The following SRSF10 variants were observed in gnomAD, a reference collection of about 807,000 sequenced individuals.
SRSF10 encodes serine/arginine-rich splicing factor 10.
A neutral mutation model predicts 32.6 loss-of-function variants in SRSF10; 9 were observed. The observed-to-expected ratio is 0.28, with a 90% CI of 0.17 to 0.48. The LOEUF (loss-of-function observed/expected upper bound fraction) is 0.48, where lower values mean the gene tolerates loss of function less well. Ranked by LOEUF, SRSF10 falls within the 20% of genes least tolerant of loss-of-function variation. The pLI is 0.99. For synonymous variants in SRSF10, 105 were observed against 112.4 expected, an observed-to-expected ratio of 0.93 and a Z score of 0.42; for missense variants, 201 against 331.8, an observed-to-expected ratio of 0.61 and a Z score of 3.06.
In SRSF10 at chr1:23,967,802, TG is replaced by T. The variant is rs1641523601; in HGVS notation, c.*3339del. The T allele has an allele frequency of 6.3e-7, 1 of 1,587,982 alleles. No individual in the cohort carries two copies. Among genetic ancestry groups the T allele is most frequent in the Admixed American group, 1.8e-5 (1 of 56,164 alleles). On this transcript the variant is annotated 3_prime_UTR_variant, in exon 6 of 6. Transcript: ENST00000492112. ...GTATACAGGATTTTGTTAGTTGAAC[TG>T]GATGTAGCAGCTTACTGGGCCAAAT...
At chr1:23,972,406 A>C (rs1213539716) in intron 3 of SRSF10, among the ~76,000 whole-genome samples, 1 of 150,330 alleles carries the variant, frequency 6.7e-6, no homozygotes, top group East Asian at 2.0e-4. Flanking sequence ...CTCCAAAAAA[A>C]AAAAGTGTGT....
chr1:23,967,318 G>A lies in SRSF10; in HGVS notation c.*3824C>T, dbSNP rs1377215624. The stretch of plus-strand genomic sequence containing the variant: ...TACCTTTTCCCACCCAATTCAGTTT[G>A]AGACAGACCAACAGAGGCACTGTAA... On this transcript the variant is annotated 3_prime_UTR_variant, in exon 6 of 6. Coordinates refer to ENST00000492112, the MANE Select transcript of SRSF10 (RefSeq NM_054016.4). 9.9e-6 allele frequency: 2 copies of A among 202,320 alleles called. No homozygotes were observed. Among genetic ancestry groups the A allele is most frequent in the East Asian group, 1.1e-4 (1 of 8,752 alleles). 12.5% of individuals were successfully genotyped at this position (202,320 alleles called of 1,614,324 possible).
In SRSF10 at chr1:23,969,412, A is replaced by T; in HGVS notation, c.*1730T>A. ...ATAGCAGAACATGAACATTAACTGC[A>T]AACAGTAAAGAAATGAAAGTTAGAA... On this transcript the variant is annotated 3_prime_UTR_variant, in exon 6 of 6. Transcript: ENST00000492112. 1.0e-6 allele frequency: 1 copy of T among 985,758 alleles called. No individual in the cohort carries two copies. Among genetic ancestry groups the T allele is most frequent in the South Asian group, 4.7e-5 (1 of 21,290 alleles). 61.1% of individuals were successfully genotyped at this position (985,758 alleles called of 1,614,324 possible).
intron 2 of SRSF10, chr1:23,977,667 T>G (rs1169412980): frequency 6.4e-6 from 1 of 155,782 alleles, no homozygotes; most frequent in South Asian, 2.0e-4. Context: ...TGCTACTCCG[T>G]GGCATCTGAC....
intron 1 of SRSF10, chr1:23,979,065 T>TGG (rs1320711332): frequency 1.3e-5 from 3 of 230,710 alleles, no homozygotes; most frequent in South Asian, 1.7e-4. Flanking sequence ...TTGTTTTTTT[T>TGG]TTTTTTTTTA....
In SRSF10 at chr1:23,975,010, G is replaced by C. The variant is rs1228012827; in HGVS notation, c.238C>G (p.Gln80Glu). The C allele has an allele frequency of 1.9e-6, 3 of 1,613,714 alleles. No homozygotes were observed. In the African/African-American group the frequency reaches 4.0e-5, roughly 22 times the overall value. Residue 80 changes from glutamine (Q) to glutamate (E), a missense_variant, in exon 3 of 6, where the codon CAG becomes GAG. Coordinates refer to ENST00000492112, the MANE Select transcript of SRSF10 (RefSeq NM_054016.4). ...CCCTGGGCAAACTGTATTTCAATCT[G>C]CCGTCCACAAATCCACTTTCTGTCC... is the stretch of plus-strand genomic sequence containing the variant. ...NLDRKWICGR[Q>E]IEIQFAQGDR...
At chr1:23,974,892 A>G (rs1641993793) in intron 3 of SRSF10, 82 bp downstream of exon 3, 2 of 1,060,288 alleles carry the variant, frequency 1.9e-6, no homozygotes, top group African/African-American at 3.2e-5. Flanking sequence ...GAACAGAAAC[A>G]CAAATTGCTT....
In SRSF10 at chr1:23,970,062, G is replaced by GT. The variant is rs1329087874; in HGVS notation, c.*1079dup. The GT allele has an allele frequency of 8.1e-6, 8 of 985,232 alleles. No homozygotes were observed. In the African/African-American group the frequency reaches 1.2e-4, roughly 15 times the overall value. The allele number at this position is 985,232 out of a possible 1,614,324, so 61.0% of individuals were successfully genotyped here. On this transcript the variant is annotated 3_prime_UTR_variant, in exon 6 of 6. Transcript: ENST00000492112. ...GAAACAATTTACTTACTTAACAGCA[G>GT]TAAGAAAACTAAGCAATATTATGGT...
At chr1:23,979,057 G>GTTTTTTT (rs71655401) in intron 1 of SRSF10, 8,182 of 133,704 alleles carry the variant, frequency 0.061, 251 homozygotes, top group Non-Finnish European at 0.066. Flanking sequence ...TATAAGCCTT[G>GTTTTTTT]TTTTTTTTTT....
chr1:23,974,033 C>G (rs1318000942), intron 3 of SRSF10, among the ~76,000 whole-genome samples: 14 of 151,076 alleles, frequency 9.3e-5, no homozygotes, highest in African/African-American at 3.4e-4. Flanking sequence ...GCTCTGTTGC[C>G]CAGTCTGGAG....
intron 3 of SRSF10, among the ~76,000 whole-genome samples, chr1:23,972,949 A>G (rs1479325208): frequency 6.6e-6 from 1 of 152,144 alleles, no homozygotes; most frequent in Non-Finnish European, 1.5e-5. Context: ...CATGTTGGTC[A>G]GGCTGGACTT....
intron 2 of SRSF10, chr1:23,976,658 G>A (rs1393728422): frequency 6.6e-5 from 10 of 152,148 alleles, no homozygotes; most frequent in African/African-American, 2.4e-4. Context: ...GGCTACCCTC[G>A]AAAACAGAAT....
Position 23,972,431 on chromosome 1 carries a change from C to CTT in SRSF10, c.275-421_275-420dup, listed in dbSNP as rs202083801. Among the ~76,000 whole-genome samples the CTT allele has an allele frequency of 4.4e-3, 653 of 148,156 alleles. 1 individual carries two copies. Among genetic ancestry groups the CTT allele is most frequent in the African/African-American group, 6.8e-3 (273 of 40,034 alleles). On this transcript the variant is annotated intron_variant, in intron 3 of 5. Transcript: ENST00000492112. Reference sequence around the variant, plus strand: ...AAAAAGTGTGTATGTGTTTTGGTGTCTTTTTTTTTTAATTATTTTAATTTT... The same window carrying CTT: ...AAAAAGTGTGTATGTGTTTTGGTGTCTTTTTTTTTTTTAATTATTTTAATTTT...
intron 2 of SRSF10, 74 bp downstream of exon 2, chr1:23,978,639 A>G: frequency 1.3e-6 from 2 of 1,519,762 alleles, no homozygotes; most frequent in South Asian, 1.3e-5. Flanking sequence ...TACTTTTTAG[A>G]TGTTACCACT....
At chr1:23,977,170 T>G (rs1642144573) in intron 2 of SRSF10, 1 of 152,250 alleles carries the variant, frequency 6.6e-6, no homozygotes, top group African/African-American at 2.4e-5. Context: ...TTTTGGCTTT[T>G]CCCTAAGTCT....
At chr1:23,972,717 C>T (rs2148502684) in intron 3 of SRSF10, among the ~76,000 whole-genome samples, 1 of 150,130 alleles carries the variant, frequency 6.7e-6, no homozygotes, top group East Asian at 2.0e-4. Context: ...GCTAGGATTA[C>T]AGGTGTGAGC....
chr1:23,978,261 A>G, intron 2 of SRSF10: 1 of 987,650 alleles, frequency 1.0e-6, no homozygotes, highest in Non-Finnish European at 1.2e-6. Context: ...ATAACTGTAC[A>G]GCTTTACATT....
Position 23,968,469 on chromosome 1 carries a change from G to A in SRSF10, c.*2673C>T, listed in dbSNP as rs1641568149. The stretch of plus-strand genomic sequence containing the variant: ...CTTACAGTCTTTTCTTTGTGCCTCA[G>A]TTTCCTTATCTGTGATATGGGGAAA... On this transcript the variant is annotated 3_prime_UTR_variant, in exon 6 of 6. Transcript: ENST00000492112. Among the ~76,000 whole-genome samples, 1 of 152,082 alleles carries A rather than the reference G, an allele frequency of 6.6e-6. No homozygotes were observed. Among genetic ancestry groups the A allele is most frequent in the African/African-American group, 2.4e-5 (1 of 41,426 alleles).
At position 23,969,908 on chromosome 1, in the gene SRSF10, T is replaced by A. The variant is rs1641642871; in HGVS notation, c.*1234A>T. 3.0e-6 allele frequency: 3 copies of A among 985,358 alleles called. No individual in the cohort carries two copies. In the South Asian group the frequency reaches 1.4e-4, roughly 46 times the overall value. The allele number at this position is 985,358 out of a possible 1,614,324, so 61.0% of individuals were successfully genotyped here. On this transcript the variant is annotated 3_prime_UTR_variant, in exon 6 of 6. Transcript: ENST00000492112. Reference sequence around the variant, plus strand: ...ACAACTTGCCTCGTATTAAATAAACTGAGGTGTGAAAAGCAGGCCTCCCTC... The same window carrying A: ...ACAACTTGCCTCGTATTAAATAAACAGAGGTGTGAAAAGCAGGCCTCCCTC...
Sources: allele counts gnomAD v4.1 joint callset (sites outside exome capture counted in the v4.1 genomes callset), GRCh38; gene constraint gnomAD v4.1.1; transcripts MANE v1.5; gene names NCBI Gene and HGNC (gene_info 2026-07-23, HGNC 2026-07-21).